OTOGL: variants seen among roughly 807,000 people sequenced by gnomAD.
OTOGL encodes otogelin like, also known as otogelin-like protein.
Under a neutral mutation model 318.5 loss-of-function variants are expected in OTOGL, and 285 were observed. That is an observed-to-expected ratio of 0.89 (90% CI 0.81 to 0.99). OTOGL has a LOEUF of 0.99. OTOGL is among the 50% of genes least tolerant of loss of function. The probability of loss-of-function intolerance (pLI) is 0.00; values close to 1 mark genes in which losing one functional copy is unlikely to be tolerated. For missense variants in OTOGL, 2,899 were observed against 2,845.6 expected (o/e 1.02, Z -0.43); for synonymous variants, 987 against 936.5 (o/e 1.05, Z -0.99).
At chr12:80,335,852 T>A in intron 38 of OTOGL, 111 bp from the exon 39 acceptor site, 1 of 975,418 alleles carries the variant, frequency 1.0e-6, no homozygotes, top group Admixed American at 3.6e-5. Flanking sequence ...CTTTCAAAAG[T>A]TTTTGTATTC....
intron 58 of OTOGL, 76 bp downstream of exon 58, chr12:80,377,278 T>G (rs1054734679): frequency 8.7e-7 from 1 of 1,149,270 alleles, no homozygotes. Flanking sequence ...GAAAGAAGTT[T>G]GTAAGCCAAC....
intron 1 of OTOGL, among the ~76,000 whole-genome samples, chr12:80,206,606 C>T (rs1404039325): frequency 6.6e-6 from 1 of 151,950 alleles, no homozygotes; most frequent in East Asian, 1.9e-4. Flanking sequence ...ACCTCCTGGG[C>T]TCAAACGATC....
rs1051152829 is a variant in OTOGL, at chr12:80,379,858, T to C, written c.*1810T>C. 2.0e-5 allele frequency: 3 copies of C among 151,978 alleles called. No homozygotes were observed. Among genetic ancestry groups the C allele is most frequent in the Non-Finnish European group, 4.4e-5 (3 of 67,912 alleles). The allele number at this position is 151,978 out of a possible 1,614,324, so 9.4% of individuals were successfully genotyped here. On this transcript the variant is annotated 3_prime_UTR_variant, in exon 59 of 59. Transcript: ENST00000547103. ...ATGTGCCAGGCACTATTATAAACTCTTGGGACACAGGCAAAACTAAACAGA... is the reference window on the plus strand; with the variant it reads ...ATGTGCCAGGCACTATTATAAACTCCTGGGACACAGGCAAAACTAAACAGA...
rs1409805490 is a variant in OTOGL at position 80,342,046 on chromosome 12, A to G, written c.5149A>G (p.Ile1717Val). 6.2e-7 allele frequency: 1 copy of G among 1,607,842 alleles called. No homozygotes were observed. Among genetic ancestry groups the G allele is most frequent in the Admixed American group, 1.7e-5 (1 of 59,474 alleles). ...DIGLFIESWE[I>V]EKSFEVTMRR... ...AGGATTATTTATTGAGAGCTGGGAAATTGAGAAATCATTTGAAGTAACAAT... is the reference window on the plus strand; with the variant it reads ...AGGATTATTTATTGAGAGCTGGGAAGTTGAGAAATCATTTGAAGTAACAAT... Residue 1717 changes from isoleucine (I) to valine (V), a missense_variant, in exon 44 of 59, where the codon ATT (isoleucine) becomes GTT (valine). Coordinates refer to ENST00000547103, the MANE Select transcript of OTOGL (RefSeq NM_001378609.3).
At chr12:80,145,062 T>G (rs990920217) in intron 1 of OTOGL, among the ~76,000 whole-genome samples, 2 of 151,726 alleles carry the variant, frequency 1.3e-5, no homozygotes, top group Non-Finnish European at 1.5e-5. Flanking sequence ...TTAGTTTAAT[T>G]AGATCCCATT....
chr12:80,137,106 A>G (rs996180725), intron 1 of OTOGL, among the ~76,000 whole-genome samples: 16 of 152,224 alleles, frequency 1.1e-4, no homozygotes, highest in Admixed American at 6.5e-5. Context: ...TCCAACAACA[A>G]GACAGAGCTG....
At chr12:80,144,928 T>A (rs1872236585) in intron 1 of OTOGL, among the ~76,000 whole-genome samples, 1 of 151,224 alleles carries the variant, frequency 6.6e-6, no homozygotes. Flanking sequence ...GTAAATTTGT[T>A]TGAGTTCATT....
At chr12:80,239,008 T>C (rs769336626) in intron 10 of OTOGL, 30 bp downstream of exon 10, 1 of 1,581,894 alleles carries the variant, frequency 6.3e-7, no homozygotes, top group Admixed American at 1.8e-5. Context: ...TGTGGGCATG[T>C]CAGACAGAAT....
chr12:80,226,187 C>CACACACACACAA (rs1878830565), intron 7 of OTOGL, among the ~76,000 whole-genome samples: 1 of 145,190 alleles, frequency 6.9e-6, no homozygotes, highest in Non-Finnish European at 1.5e-5. Context: ...AACACACACA[C>CACACACACACAA]ACACACACAC....
At chr12:80,227,972 A>G (rs1348886134) in intron 7 of OTOGL, among the ~76,000 whole-genome samples, 2 of 152,094 alleles carry the variant, frequency 1.3e-5, no homozygotes, top group Non-Finnish European at 2.9e-5. Context: ...TATATTTTCT[A>G]TTAGCCGTTT....
At chr12:80,254,039 G>A (rs1282603323) in intron 14 of OTOGL, among the ~76,000 whole-genome samples, 1 of 152,052 alleles carries the variant, frequency 6.6e-6, no homozygotes, top group Admixed American at 6.6e-5. Context: ...TCTAAATGTT[G>A]TCGGATACTT....
chr12:80,216,002 A>C (rs1490820924), intron 4 of OTOGL, among the ~76,000 whole-genome samples: 2 of 152,186 alleles, frequency 1.3e-5, no homozygotes, highest in African/African-American at 4.8e-5. Context: ...AAATCTTCAA[A>C]TAGTGAGAGA....
chr12:80,118,064 T>G (rs924628353), intron 1 of OTOGL, among the ~76,000 whole-genome samples: 1 of 152,160 alleles, frequency 6.6e-6, no homozygotes, highest in Non-Finnish European at 1.5e-5. Context: ...TCACTTCTAA[T>G]GTAGACTATT....
At chr12:80,153,764 A>G (rs1034344971) in intron 1 of OTOGL, among the ~76,000 whole-genome samples, 10 of 152,114 alleles carry the variant, frequency 6.6e-5, no homozygotes, top group Non-Finnish European at 1.0e-4. Flanking sequence ...TATTGTCTCC[A>G]TAGTTTTGCC....
At position 80,333,193 on chromosome 12, in the gene OTOGL, C is replaced by T. The variant is rs1355279208; in HGVS notation, c.4422+115C>T. ...TTTTTTGATATGTTCTCTAGTCTAG[C>T]CTTGCTAAAAGATATTAAGAAATAT... On this transcript the variant is annotated intron_variant, in intron 38 of 58. Transcript: ENST00000547103. 9 of 809,350 alleles carry T rather than the reference C, an allele frequency of 1.1e-5. No individual in the cohort carries two copies. In the East Asian group the frequency reaches 2.5e-4, roughly 23 times the overall value. 50.1% of individuals were successfully genotyped at this position (809,350 alleles called of 1,614,324 possible).
intron 18 of OTOGL, among the ~76,000 whole-genome samples, chr12:80,260,469 C>A (rs187087469): frequency 6.4e-4 from 97 of 152,180 alleles, no homozygotes; most frequent in African/African-American, 2.2e-3. Context: ...GTCCCCGCCA[C>A]GTGTAAACAT....
intron 23 of OTOGL, among the ~76,000 whole-genome samples, chr12:80,271,307 G>A (rs1402603918): frequency 6.6e-6 from 1 of 152,052 alleles, no homozygotes; most frequent in African/African-American, 2.4e-5. Context: ...CACTTCTGTG[G>A]TATAGTGAGA....
At position 80,320,520 on chromosome 12, in the gene OTOGL, T is replaced by C; in HGVS notation, c.3901T>C (p.Ser1301Pro). 6.2e-7 allele frequency: 1 copy of C among 1,613,682 alleles called. No homozygotes were observed. Among genetic ancestry groups the C allele is most frequent in the East Asian group, 2.2e-5 (1 of 44,872 alleles). The change falls in exon 34 of 59, where the codon TCA becomes CCA. Residue 1301 changes from serine to proline, a missense_variant. Around this residue, in one of 3 missense-constraint regions of OTOGL, gnomAD observed 2,607 missense variants for 2,524.9 expected, o/e 1.03. Coordinates refer to ENST00000547103, the MANE Select transcript of OTOGL (RefSeq NM_001378609.3). ...TAGCTTGGAGCTGTGGGAGGCGAATTCAGCCTTTCATCGGAGAGCAACATT... is the reference window on the plus strand; with the variant it reads ...TAGCTTGGAGCTGTGGGAGGCGAATCCAGCCTTTCATCGGAGAGCAACATT... ...TLSLELWEAN[S>P]AFHRRATFFH...
At chr12:80,189,049 G>C (rs1875497631) in intron 1 of OTOGL, among the ~76,000 whole-genome samples, 1 of 152,022 alleles carries the variant, frequency 6.6e-6, no homozygotes. Context: ...TAATGTCTTT[G>C]TGTGAGTGCA....
Sources: gnomAD v4.1 joint callset for allele counts (sites outside exome capture counted in the v4.1 genomes callset) on GRCh38, gnomAD v4.1.1 for gene constraint, gnomAD v4.1.1 regional missense constraint, MANE v1.5 for transcripts, NCBI Gene and HGNC (gene_info 2026-07-23, HGNC 2026-07-21) for gene names.